SPTBN4: variants seen among roughly 807,000 people sequenced by gnomAD.
SPTBN4 encodes spectrin beta chain, non-erythrocytic 4.
SPTBN4 carries 96 observed loss-of-function variants against 277.8 expected under a neutral mutation model. The observed-to-expected ratio is 0.35, with a 90% CI of 0.29 to 0.41. The LOEUF (loss-of-function observed/expected upper bound fraction) is 0.41. Ranked by LOEUF, SPTBN4 falls within the 10% of genes least tolerant of loss-of-function variation. The probability of loss-of-function intolerance (pLI) is 1.00; values close to 1 mark genes in which losing one functional copy is unlikely to be tolerated. For synonymous variants in SPTBN4, 1,481 were observed against 1,580.3 expected, an observed-to-expected ratio of 0.94 and a Z score of 1.49; for missense variants, 3,006 against 3,595.7, an observed-to-expected ratio of 0.84 and a Z score of 4.19.
At chr19:40,550,216 C>T (rs1368730331) in intron 21 of SPTBN4, 22 bp from the exon 22 acceptor site, 33 of 1,611,170 alleles carry the variant, frequency 2.0e-5, no homozygotes, top group Non-Finnish European at 2.6e-5. Flanking sequence ...TCCCCTTGAC[C>T]TGCTTCCTGT....
chr19:40,509,301 A>G (rs1423409158), intron 13 of SPTBN4, among the ~76,000 whole-genome samples: 2 of 151,984 alleles, frequency 1.3e-5, no homozygotes, highest in Non-Finnish European at 2.9e-5. Flanking sequence ...GCCAGATTGC[A>G]ATGGCGCGAT....
rs181656495 is a variant in SPTBN4 at position 40,472,593 on chromosome 19, C to T, written c.-15-14C>T. 38 of 1,588,418 alleles carry T rather than the reference C, an allele frequency of 2.4e-5. No homozygotes were observed. The African/African-American group carries it at 5.0e-4, about 21-fold the overall frequency. On this transcript the variant is annotated splice_polypyrimidine_tract_variant and intron_variant, in intron 1 of 35. Transcript: ENST00000598249. Reference sequence around the variant, plus strand: ...ACTTGATCCTAGACCTAACCTACCTCTCCCTATGTCCAGGCCTCACCTTCC... The same window carrying T: ...ACTTGATCCTAGACCTAACCTACCTTTCCCTATGTCCAGGCCTCACCTTCC...
intron 16 of SPTBN4, among the ~76,000 whole-genome samples, chr19:40,522,794 T>A (rs1231249122): frequency 6.6e-6 from 1 of 152,024 alleles, no homozygotes; most frequent in Non-Finnish European, 1.5e-5. Flanking sequence ...AGTAAACAAG[T>A]CAATGCATCG....
At chr19:40,572,267 G>A in intron 34 of SPTBN4, 71 bp from the exon 35 acceptor site, 2 of 1,606,714 alleles carry the variant, frequency 1.2e-6, no homozygotes, top group Non-Finnish European at 1.7e-6. Context: ...GGCTTCCCTG[G>A]GGGACACTTG....
intron 15 of SPTBN4, among the ~76,000 whole-genome samples, chr19:40,518,908 T>TA (rs989570802): frequency 7.9e-5 from 12 of 152,116 alleles, no homozygotes; most frequent in Non-Finnish European, 1.3e-4. Flanking sequence ...TCTCACGTCT[T>TA]AAAAAAATTT....
At chr19:40,539,930 A>AT (rs35971790) in intron 20 of SPTBN4, among the ~76,000 whole-genome samples, 63,925 of 147,124 alleles carry the variant, frequency 0.43, 14,314 homozygotes, top group African/African-American at 0.48. Context: ...CAGGTCTTTA[A>AT]TTTTTTTTTT....
intron 2 of SPTBN4, among the ~76,000 whole-genome samples, chr19:40,477,900 G>T (rs1277259795): frequency 6.6e-6 from 1 of 151,942 alleles, no homozygotes; most frequent in Admixed American, 6.6e-5. Context: ...GTGCAATGCC[G>T]CAGTCTCGGC....
chr19:40,472,176 T>C (rs147807463), intron 1 of SPTBN4, among the ~76,000 whole-genome samples: 2,062 of 152,178 alleles, frequency 0.014, 50 homozygotes, highest in African/African-American at 0.047. Flanking sequence ...CCCAAAGTGC[T>C]GGGATTATAG....
intron 22 of SPTBN4, among the ~76,000 whole-genome samples, chr19:40,550,820 G>A (rs960920897): frequency 6.6e-6 from 1 of 152,114 alleles, no homozygotes; most frequent in African/African-American, 2.4e-5. Flanking sequence ...CGCCCGGCCT[G>A]TTTGTTTTTC....
At chr19:40,532,255 G>A (rs535604359) in intron 18 of SPTBN4, among the ~76,000 whole-genome samples, 98 of 144,664 alleles carry the variant, frequency 6.8e-4, no homozygotes, top group South Asian at 4.0e-3. Context: ...GGATGAATTG[G>A]GAGTTAGCTA....
rs2081192815 is a variant in SPTBN4, at chr19:40,575,453, G to GCGGAACAC, written c.7580_7587dup (p.Ala2530ArgfsTer78). 6.2e-7 allele frequency: 1 copy of GCGGAACAC among 1,613,156 alleles called. No individual in the cohort carries two copies. ...GCTGGAGGCTGTAGCTTCCTCGGTG[G>GCGGAACAC]CGGAACACGCAGAGATCGCCCGCTG... On this transcript the variant is annotated frameshift_variant, in exon 36 of 36. Transcript: ENST00000598249. LOFTEE classifies it high-confidence loss of function.
intron 20 of SPTBN4, among the ~76,000 whole-genome samples, chr19:40,538,009 C>A (rs901494723): frequency 6.6e-6 from 1 of 152,166 alleles, no homozygotes; most frequent in African/African-American, 2.4e-5. Context: ...TTTTGCTCCT[C>A]CCTAGCCAGA....
chr19:40,571,911 G>A (rs78729244), intron 33 of SPTBN4, 108 bp from the exon 34 acceptor site: 33 of 1,331,260 alleles, frequency 2.5e-5, no homozygotes, highest in Non-Finnish European at 3.1e-5. Context: ...AGGGCGCAAA[G>A]GTCCAGAGGT....
chr19:40,513,249 G>A lies in SPTBN4; in HGVS notation c.2460G>A (p.Gly820=). 1 of 1,521,956 alleles carries A rather than the reference G, an allele frequency of 6.6e-7. No individual in the cohort carries two copies. The highest frequency in any genetic ancestry group is 8.8e-7 in the Non-Finnish European group (1 of 1,141,240). The allele number at this position is 1,521,956 out of a possible 1,614,324, so 94.3% of individuals were successfully genotyped here. ...CGCGCCAGCACCGCGCGCTCACCGG[G>A]GAGGTGGAGGCACATCGCGGGCCCG... is the stretch of plus-strand genomic sequence containing the variant. ...RLARQHRALT[G]EVEAHRGPVS... The change falls in exon 14 of 36, where the codon GGG becomes GGA. Residue 820 remains glycine (G), a synonymous_variant. Transcript: ENST00000598249.
At chr19:40,521,853 T>C (rs1164490014) in intron 16 of SPTBN4, among the ~76,000 whole-genome samples, 1 of 152,206 alleles carries the variant, frequency 6.6e-6, no homozygotes, top group East Asian at 1.9e-4. Context: ...CTTGCTATGC[T>C]GCCCAGGCTG....
intron 29 of SPTBN4, among the ~76,000 whole-genome samples, 198 bp downstream of exon 29, chr19:40,565,943 G>A (rs1172447304): frequency 6.6e-6 from 1 of 152,128 alleles, no homozygotes; most frequent in East Asian, 1.9e-4. Flanking sequence ...AAGTCTTAAA[G>A]TCCTGGGTGG....
intron 18 of SPTBN4, 56 bp downstream of exon 18, chr19:40,529,187 T>C: frequency 2.0e-6 from 3 of 1,520,496 alleles, no homozygotes; most frequent in Non-Finnish European, 2.7e-6. Flanking sequence ...GGGAGGGAAG[T>C]GCTTCTCGGC....
chr19:40,480,251 C>T (rs1285488915), intron 2 of SPTBN4, among the ~76,000 whole-genome samples: 2 of 93,748 alleles, frequency 2.1e-5, no homozygotes, highest in Non-Finnish European at 4.5e-5. Context: ...GACTCCGTCT[C>T]AAAAAAAAAA....
intron 2 of SPTBN4, 24 bp downstream of exon 2, chr19:40,472,814 G>T: frequency 6.6e-7 from 1 of 1,526,232 alleles, no homozygotes; most frequent in Non-Finnish European, 8.9e-7. Flanking sequence ...GGCTGGGGTG[G>T]GATGAGGAGG....
Sources: gnomAD v4.1 joint callset for allele counts (sites outside exome capture counted in the v4.1 genomes callset) on GRCh38, gnomAD v4.1.1 for gene constraint, MANE v1.5 for transcripts, NCBI Gene and HGNC (gene_info 2026-07-23, HGNC 2026-07-21) for gene names.